Variants in THRB observed in about 807,000 individuals in gnomAD.
THRB encodes nuclear receptor subfamily 1 group A member 2.
A neutral mutation model predicts 47.8 loss-of-function variants in THRB; 12 were observed. That is an observed-to-expected ratio of 0.25 (90% CI 0.16 to 0.41). The LOEUF (loss-of-function observed/expected upper bound fraction) is 0.41, where lower values mean the gene tolerates loss of function less well. Among genes scored for constraint, THRB ranks in the 10% least tolerant of loss-of-function variants. The probability of loss-of-function intolerance (pLI) is 1.00; values close to 1 mark genes in which losing one functional copy is unlikely to be tolerated. For missense variants in THRB, 348 were observed against 589.2 expected, an observed-to-expected ratio of 0.59 and a Z score of 4.24; for synonymous variants, 218 against 212.2, an observed-to-expected ratio of 1.03 and a Z score of -0.24.
chr3:24,277,222 T>A (rs555207642), intron 3 of THRB, among the ~76,000 whole-genome samples: 173 of 152,304 alleles, frequency 1.1e-3, no homozygotes, highest in African/African-American at 4.0e-3. Flanking sequence ...TGGCAATGTC[T>A]GGAGATATTT....
intron 1 of THRB, among the ~76,000 whole-genome samples, chr3:24,368,560 G>A (rs2149718178): frequency 6.6e-6 from 1 of 152,186 alleles, no homozygotes; most frequent in East Asian, 1.9e-4. Context: ...ATGCTCTTTT[G>A]GGTGCGACAA....
intron 3 of THRB, among the ~76,000 whole-genome samples, chr3:24,269,366 T>A (rs1439378680): frequency 8.4e-6 from 1 of 118,574 alleles, no homozygotes. Context: ...AGCGACACCA[T>A]CATAGCTCAT....
chr3:24,281,128 A>G (rs7652362), intron 3 of THRB, among the ~76,000 whole-genome samples: 1 of 152,160 alleles, frequency 6.6e-6, no homozygotes, highest in Non-Finnish European at 1.5e-5. Flanking sequence ...ACCAAGACAC[A>G]TAATTGTCAG....
At chr3:24,401,900 T>C (rs2067432935) in intron 1 of THRB, among the ~76,000 whole-genome samples, 1 of 152,014 alleles carries the variant, frequency 6.6e-6, no homozygotes, top group Admixed American at 6.6e-5. Context: ...GAAGCTCTGC[T>C]CAATAGAGGA....
chr3:24,445,760 A>G (rs1313036335), intron 1 of THRB, among the ~76,000 whole-genome samples: 1 of 152,196 alleles, frequency 6.6e-6, no homozygotes, highest in East Asian at 1.9e-4. Flanking sequence ...GGAACTGTCC[A>G]ATAGAAACAA....
At chr3:24,236,060 C>G (rs1362220708) in intron 3 of THRB, among the ~76,000 whole-genome samples, 1 of 152,118 alleles carries the variant, frequency 6.6e-6, no homozygotes, top group Non-Finnish European at 1.5e-5. Flanking sequence ...CCTAGGTGGG[C>G]TGCACCCATG....
intron 1 of THRB, among the ~76,000 whole-genome samples, chr3:24,441,645 G>T (rs146386424): frequency 1.9e-3 from 281 of 151,838 alleles, no homozygotes; most frequent in African/African-American, 6.4e-3. Context: ...ATATACAGTT[G>T]ATTCTGTTTA....
At chr3:24,224,324 A>G (rs558753051) in intron 4 of THRB, among the ~76,000 whole-genome samples, 30 of 152,344 alleles carry the variant, frequency 2.0e-4, no homozygotes, top group Non-Finnish European at 4.1e-4. Flanking sequence ...CTATATCACC[A>G]TATGATGAAT....
At chr3:24,251,858 T>C (rs1358062108) in intron 3 of THRB, among the ~76,000 whole-genome samples, 2 of 151,950 alleles carry the variant, frequency 1.3e-5, no homozygotes, top group East Asian at 3.9e-4. Flanking sequence ...AAAGACAGCA[T>C]AAAAAAGAAA....
chr3:24,194,045 G>A (rs1011068856), intron 4 of THRB, among the ~76,000 whole-genome samples: 11 of 152,326 alleles, frequency 7.2e-5, no homozygotes, highest in South Asian at 6.2e-4. Context: ...AACATCATAC[G>A]TTTTCACTCA....
chr3:24,188,626 T>A (rs1236393369), intron 5 of THRB, among the ~76,000 whole-genome samples: 1 of 152,090 alleles, frequency 6.6e-6, no homozygotes, highest in East Asian at 1.9e-4. Flanking sequence ...GAGTTTTCTG[T>A]TGGCGTTTCA....
intron 4 of THRB, among the ~76,000 whole-genome samples, chr3:24,194,418 T>C (rs1449229935): frequency 2.0e-5 from 3 of 152,248 alleles, no homozygotes; most frequent in South Asian, 2.1e-4. Context: ...ATGAACCGTT[T>C]ACTCTTTAAT....
chr3:24,390,866 C>A (rs1163563120), intron 1 of THRB, among the ~76,000 whole-genome samples: 1 of 151,092 alleles, frequency 6.6e-6, no homozygotes, highest in Non-Finnish European at 1.5e-5. Context: ...AATATTGGCC[C>A]CAATTCTCCA....
rs73825918 is a variant in THRB at position 24,127,423 on chromosome 3, A to G, written c.1144+76T>C. ...TTTCTGAAGCTAAAGGGGGACTGAAAACTCAAGTGATTGGAATTAGCGCTA... is the reference window on the plus strand; with the variant it reads ...TTTCTGAAGCTAAAGGGGGACTGAAGACTCAAGTGATTGGAATTAGCGCTA... On this transcript the variant is annotated intron_variant, in intron 10 of 10. Coordinates refer to ENST00000646209, the MANE Select transcript of THRB (RefSeq NM_001354712.2). 5,702 of 1,519,278 alleles carry G rather than the reference A, an allele frequency of 3.8e-3. 177 individuals are homozygous for G. In the African/African-American group the frequency reaches 0.067, roughly 18 times the overall value. The allele number at this position is 1,519,278 out of a possible 1,614,324, so 94.1% of individuals were successfully genotyped here.
chr3:24,487,600 G>T (rs558504022), intron 1 of THRB, among the ~76,000 whole-genome samples: 8 of 152,250 alleles, frequency 5.3e-5, no homozygotes, highest in Admixed American at 1.3e-4. Context: ...AAGTAGAAGG[G>T]ACTGAAAACA....
chr3:24,117,342 A>C lies in THRB; in HGVS notation c.*5542T>G, dbSNP rs1345324587. 1 of 152,072 alleles carries C rather than the reference A, an allele frequency of 6.6e-6. No homozygotes were observed. Among genetic ancestry groups the C allele is most frequent in the Non-Finnish European group, 1.5e-5 (1 of 68,036 alleles). The allele number at this position is 152,072 out of a possible 1,614,324, so 9.4% of individuals were successfully genotyped here. On this transcript the variant is annotated 3_prime_UTR_variant, in exon 11 of 11. Coordinates refer to ENST00000646209, the MANE Select transcript of THRB (RefSeq NM_001354712.2). ...TCCACTTATAGCAGCAAGACTTAGA[A>C]TTTTCTTTCAGGAATCATCTTGCCT... is the stretch of plus-strand genomic sequence containing the variant.
At chr3:24,362,308 T>C (rs1269427681) in intron 1 of THRB, among the ~76,000 whole-genome samples, 1 of 152,102 alleles carries the variant, frequency 6.6e-6, no homozygotes, top group African/African-American at 2.4e-5. Flanking sequence ...TCTTCCCCTC[T>C]CTTAATCCAT....
intron 1 of THRB, among the ~76,000 whole-genome samples, chr3:24,339,942 T>G (rs2062518629): frequency 6.6e-6 from 1 of 152,220 alleles, no homozygotes; most frequent in Non-Finnish European, 1.5e-5. Flanking sequence ...TGTGGTTATT[T>G]TGTAGTTTCA....
chr3:24,188,037 A>G (rs1203759802), intron 5 of THRB, among the ~76,000 whole-genome samples: 1 of 152,318 alleles, frequency 6.6e-6, no homozygotes, highest in East Asian at 1.9e-4. Flanking sequence ...GAAGGACTTT[A>G]ATAATTTAAT....
Sources: gnomAD v4.1 joint callset for allele counts (sites outside exome capture counted in the v4.1 genomes callset) on GRCh38, gnomAD v4.1.1 for gene constraint, MANE v1.5 for transcripts, NCBI Gene and HGNC (gene_info 2026-07-23, HGNC 2026-07-21) for gene names.